GABRG3: variants seen among roughly 807,000 people sequenced by gnomAD.
The protein encoded by GABRG3 is gamma-aminobutyric acid type A receptor subunit gamma3, also known as gamma-aminobutyric acid receptor subunit gamma-3.
GABRG3 carries 25 observed loss-of-function variants against 48.8 expected under a neutral mutation model. The ratio of observed to expected loss-of-function variants is 0.51; its 90% CI spans 0.37 to 0.72. The LOEUF (loss-of-function observed/expected upper bound fraction) is 0.72, where lower values mean the gene tolerates loss of function less well. Among genes scored for constraint, GABRG3 ranks in the 30% least tolerant of loss-of-function variants. The pLI is 0.00. For missense variants in GABRG3, 394 were observed against 577.9 expected, an observed-to-expected ratio of 0.68 and a Z score of 3.26; for synonymous variants, 227 against 217.6, an observed-to-expected ratio of 1.04 and a Z score of -0.38.
intron 5 of GABRG3, among the ~76,000 whole-genome samples, chr15:27,424,500 C>A (rs774284349): frequency 6.6e-6 from 1 of 151,280 alleles, no homozygotes; most frequent in East Asian, 2.0e-4. Flanking sequence ...GGGCATTAAT[C>A]CCATTCATGA....
intron 3 of GABRG3, among the ~76,000 whole-genome samples, chr15:27,050,472 T>C (rs1896438278): frequency 6.6e-6 from 1 of 152,186 alleles, no homozygotes. Flanking sequence ...ACCATTGCCT[T>C]GCCCTTCGTC....
chr15:27,265,882 G>GTTTTTTTTTTTT (rs57522857), intron 3 of GABRG3, among the ~76,000 whole-genome samples: 21 of 127,578 alleles, frequency 1.6e-4, no homozygotes, highest in African/African-American at 4.8e-4. Flanking sequence ...TTTTCTCCTG[G>GTTTTTTTTTTTT]TTTTTTTTTT....
At position 27,094,093 on chromosome 15, in the gene GABRG3, C is replaced by T. The variant is rs4371123; in HGVS notation, c.270+67272C>T. Among the ~76,000 whole-genome samples, 157 of 152,266 alleles carry T rather than the reference C, an allele frequency of 1.0e-3. 1 individual carries two copies. The highest frequency in any genetic ancestry group is 1.9e-3 in the Admixed American group (29 of 15,300). Reference sequence around the variant, plus strand: ...TGCATATAGTTACCCTTAGTGGTTGCGAGTATTTGCTCCATACAGCCCACA... The same window carrying T: ...TGCATATAGTTACCCTTAGTGGTTGTGAGTATTTGCTCCATACAGCCCACA... On this transcript the variant is annotated intron_variant, in intron 3 of 9. Coordinates refer to ENST00000615808, the MANE Select transcript of GABRG3 (RefSeq NM_033223.5).
At chr15:27,281,189 T>C (rs1199561114) in intron 3 of GABRG3, among the ~76,000 whole-genome samples, 2 of 152,180 alleles carry the variant, frequency 1.3e-5, no homozygotes, top group African/African-American at 2.4e-5. Context: ...ACCCTACCTA[T>C]ATTATTAAAT....
intron 3 of GABRG3, among the ~76,000 whole-genome samples, chr15:27,120,019 CGAATGTGT>C (rs956592103): frequency 7.2e-5 from 11 of 152,156 alleles, no homozygotes; most frequent in African/African-American, 2.7e-4. Context: ...GGGGATTAAC[CGAATGTGT>C]GAACACCAGG....
chr15:27,253,662 C>T (rs541330253), intron 3 of GABRG3, among the ~76,000 whole-genome samples: 5 of 152,358 alleles, frequency 3.3e-5, no homozygotes, highest in East Asian at 1.9e-4. Flanking sequence ...AGAGTTCAGG[C>T]GCCCACAGCC....
chr15:27,135,315 T>C (rs940631122), intron 3 of GABRG3, among the ~76,000 whole-genome samples: 1 of 152,160 alleles, frequency 6.6e-6, no homozygotes, highest in African/African-American at 2.4e-5. Context: ...TAAGAGCCAG[T>C]GTGGCCAGGT....
At chr15:27,498,485 T>C (rs1890539153) in intron 6 of GABRG3, among the ~76,000 whole-genome samples, 1 of 152,060 alleles carries the variant, frequency 6.6e-6, no homozygotes, top group African/African-American at 2.4e-5. Context: ...TGGGTTCATC[T>C]TTTTTTTAAA....
chr15:27,164,540 T>G (rs1887312161), intron 3 of GABRG3, among the ~76,000 whole-genome samples: 1 of 152,072 alleles, frequency 6.6e-6, no homozygotes, highest in Non-Finnish European at 1.5e-5. Context: ...GAATCAAAGC[T>G]TCACCCTTGA....
intron 2 of GABRG3, among the ~76,000 whole-genome samples, chr15:26,978,018 A>C (rs1176656266): frequency 6.6e-6 from 1 of 152,184 alleles, no homozygotes; most frequent in African/African-American, 2.4e-5. Context: ...TAGCTGCTCT[A>C]ATAGGTATAT....
intron 5 of GABRG3, among the ~76,000 whole-genome samples, chr15:27,400,352 A>G (rs1887438745): frequency 6.6e-6 from 1 of 152,212 alleles, no homozygotes; most frequent in South Asian, 2.1e-4. Flanking sequence ...TTATTTTGCC[A>G]TGCTTTAGCA....
chr15:27,380,958 G>A (rs1895754873), intron 5 of GABRG3, among the ~76,000 whole-genome samples: 1 of 151,894 alleles, frequency 6.6e-6, no homozygotes, highest in South Asian at 2.1e-4. Context: ...GTAGAGACGG[G>A]GTTTCACCGT....
Position 27,527,539 on chromosome 15 carries a change from C to T in GABRG3, c.972C>T (p.Phe324=), listed in dbSNP as rs1891307994. The T allele has an allele frequency of 6.2e-7, 1 of 1,614,002 alleles. No homozygotes were observed. The highest frequency in any genetic ancestry group is 8.5e-7 in the Non-Finnish European group (1 of 1,179,902). Residue 324 remains phenylalanine, a synonymous_variant, in exon 8 of 10, where the codon TTC becomes TTT. Coordinates refer to ENST00000615808, the MANE Select transcript of GABRG3 (RefSeq NM_033223.5). ...TAMDLFVTVC[F]LFVFAALMEY... is the part of the protein sequence containing the mutation. ...TGGACCTTTTTGTGACCGTGTGCTT[C>T]CTGTTTGTCTTCGCCGCGCTGATGG...
In GABRG3 at chr15:26,977,170, A is replaced by T; in HGVS notation, c.202+20A>T. 1 of 1,601,250 alleles carries T rather than the reference A, an allele frequency of 6.2e-7. No homozygotes were observed. The highest frequency in any genetic ancestry group is 2.2e-5 in the East Asian group (1 of 44,742). The stretch of plus-strand genomic sequence containing the variant: ...TTGGAAGTGAGTGTTGTTTTTTGTT[A>T]TTCTAATAGAAAAATATGCTGTAGT... On this transcript the variant is annotated intron_variant, in intron 2 of 9. Transcript: ENST00000615808.
At chr15:27,105,232 A>G (rs944117807) in intron 3 of GABRG3, among the ~76,000 whole-genome samples, 2 of 152,220 alleles carry the variant, frequency 1.3e-5, no homozygotes, top group African/African-American at 2.4e-5. Context: ...CCAGGAAGAC[A>G]TGATGATCCT....
At chr15:27,510,728 C>A (rs1890876893) in intron 6 of GABRG3, among the ~76,000 whole-genome samples, 1 of 152,194 alleles carries the variant, frequency 6.6e-6, no homozygotes, top group Non-Finnish European at 1.5e-5. Context: ...TGTAGACAAT[C>A]ATATTAACTG....
chr15:27,224,407 T>C (rs1889546513), intron 3 of GABRG3, among the ~76,000 whole-genome samples: 1 of 152,176 alleles, frequency 6.6e-6, no homozygotes, highest in Admixed American at 6.5e-5. Context: ...ACCTAAATAA[T>C]GTCTAATGCT....
chr15:26,998,870 G>A (rs1235373367), intron 2 of GABRG3, among the ~76,000 whole-genome samples: 3 of 152,092 alleles, frequency 2.0e-5, no homozygotes, highest in African/African-American at 7.2e-5. Flanking sequence ...TTGATTGAAT[G>A]TTTCTTCCTT....
rs1891503792 is a variant in GABRG3 at position 27,534,417 on chromosome 15, C to T, written c.*1536C>T. ...TGTTATAACTGGATGCCAATGTGAA[C>T]TGCAGAAGACTGTTTTGAAACTTCT... On this transcript the variant is annotated 3_prime_UTR_variant, in exon 10 of 10. Coordinates refer to ENST00000615808, the MANE Select transcript of GABRG3 (RefSeq NM_033223.5). 1 of 152,164 alleles carries T rather than the reference C, an allele frequency of 6.6e-6. No individual in the cohort carries two copies. Among genetic ancestry groups the T allele is most frequent in the Admixed American group, 6.5e-5 (1 of 15,282 alleles). The allele number at this position is 152,164 out of a possible 1,614,324, so 9.4% of individuals were successfully genotyped here.
Sources: gnomAD v4.1 joint callset for allele counts (sites outside exome capture counted in the v4.1 genomes callset) on GRCh38, gnomAD v4.1.1 for gene constraint, MANE v1.5 for transcripts, NCBI Gene and HGNC (gene_info 2026-07-23, HGNC 2026-07-21) for gene names.